The following STIP1 variants were observed in gnomAD, a reference collection of about 807,000 sequenced individuals.
STIP1 encodes the protein stress induced phosphoprotein 1.
STIP1 carries 16 observed loss-of-function variants against 77.4 expected under a neutral mutation model. The ratio of observed to expected loss-of-function variants is 0.21; its 90% confidence interval spans 0.14 to 0.31. The LOEUF is 0.31. Ranked by LOEUF, STIP1 falls within the 10% of genes least tolerant of loss-of-function variation. STIP1 has a pLI of 1.00. For missense variants in STIP1, 524 were observed against 684.8 expected (o/e 0.77, Z 2.62); for synonymous variants, 258 against 246.6 (o/e 1.05, Z -0.44).
intron 5 of STIP1, 131 bp from the exon 6 acceptor site, chr11:64,197,140 A>T: frequency 8.5e-7 from 1 of 1,176,314 alleles, no homozygotes; most frequent in South Asian, 1.5e-5. Context: ...TGACTGATGA[A>T]GAGGCCTTCA....
intron 1 of STIP1, among the ~76,000 whole-genome samples, chr11:64,191,608 AAATAAT>A (rs1232457027): frequency 1.1e-4 from 17 of 152,148 alleles, no homozygotes; most frequent in African/African-American, 3.4e-4. Flanking sequence ...CTGTCTCAAA[AAATAAT>A]AATAATAAAT....
chr11:64,186,169 G>T, upstream of STIP1: 1 of 1,550,452 alleles, frequency 6.4e-7, no homozygotes, highest in Non-Finnish European at 8.7e-7. Flanking sequence ...CGGGGTCCCG[G>T]TAGCTTCTAG....
Position 64,203,224 on chromosome 11 carries a change from G to A in STIP1, c.1382G>A (p.Cys461Tyr), listed in dbSNP as rs761770211. ...AAGGCGCTAGACCTGGACTCCAGCT[G>A]TAAGGTGGGGCTGCTTCTGGCCTCC... Reference protein sequence around the residue: ...YQKALDLDSSCKEAADGYQRC... With the variant: ...YQKALDLDSSYKEAADGYQRC... Residue 461 changes from cysteine to tyrosine, a missense_variant, in exon 12 of 14, where the codon TGT becomes TAT. By Grantham distance (194) the Cys-to-Tyr change is radical. Coordinates refer to ENST00000305218, the MANE Select transcript of STIP1 (RefSeq NM_006819.3). 6.2e-7 allele frequency: 1 copy of A among 1,613,896 alleles called. No homozygotes were observed. The highest frequency in any genetic ancestry group is 1.1e-5 in the South Asian group (1 of 91,092).
At chr11:64,195,883 C>T (rs1407014101) in intron 5 of STIP1, 70 bp downstream of exon 5, 3 of 1,590,278 alleles carry the variant, frequency 1.9e-6, no homozygotes, top group Admixed American at 1.7e-5. Flanking sequence ...TGAATGGGGA[C>T]ATCTGTTGAC....
At chr11:64,196,003 T>G in intron 5 of STIP1, 190 bp downstream of exon 5, 1 of 740,846 alleles carries the variant, frequency 1.3e-6, no homozygotes, top group South Asian at 1.9e-5. Context: ...CAGCTAGGAT[T>G]ACAGTCACGA....
intron 10 of STIP1, 90 bp from the exon 11 acceptor site, chr11:64,202,786 C>T (rs1946233846): frequency 7.1e-7 from 1 of 1,414,458 alleles, no homozygotes; most frequent in Non-Finnish European, 1.0e-6. Flanking sequence ...CTGGGTGAGG[C>T]ATTAGAGTTG....
intron 5 of STIP1, 135 bp downstream of exon 5, chr11:64,195,948 C>T: frequency 7.6e-7 from 1 of 1,317,436 alleles, no homozygotes. Flanking sequence ...TGCTGTGTTT[C>T]CCAGGTTGGT....
chr11:64,197,998 A>G (rs563316397), intron 8 of STIP1, 24 bp downstream of exon 8: 3 of 1,556,378 alleles, frequency 1.9e-6, no homozygotes, highest in South Asian at 2.4e-5. Context: ...GAATAGGGGT[A>G]TTTTCTTGTT....
rs375213510 is a variant in STIP1 at position 64,194,838 on chromosome 11, C to T, written c.503+218C>T. On this transcript the variant is annotated intron_variant, in intron 4 of 13. Coordinates refer to ENST00000305218, the MANE Select transcript of STIP1 (RefSeq NM_006819.3). ...TAGAATGTTCTTTGTCATCTGTATACACCTCTCTCCTGCTCTTCTAGAACT... is the reference window on the plus strand; with the variant it reads ...TAGAATGTTCTTTGTCATCTGTATATACCTCTCTCCTGCTCTTCTAGAACT... Among the ~76,000 whole-genome samples the T allele has an allele frequency of 7.6e-4, 116 of 152,088 alleles. No individual in the cohort carries two copies. In the South Asian group the frequency reaches 0.023, roughly 30 times the overall value.
At chr11:64,192,175 G>A (rs553399392) in intron 1 of STIP1, among the ~76,000 whole-genome samples, 15 of 152,124 alleles carry the variant, frequency 9.9e-5, no homozygotes, top group Non-Finnish European at 1.5e-4. Context: ...TTAGCCAAGT[G>A]TGGGGGTGTG....
chr11:64,199,280 G>A (rs182629098), intron 8 of STIP1, among the ~76,000 whole-genome samples: 3 of 151,462 alleles, frequency 2.0e-5, no homozygotes, highest in Middle Eastern at 6.3e-3. Flanking sequence ...CGAGGTGGGC[G>A]GATCAAGAGG....
chr11:64,185,868 C>A (rs776865204), upstream of STIP1: 1 of 1,536,154 alleles, frequency 6.5e-7, no homozygotes, highest in South Asian at 1.2e-5. Flanking sequence ...ATTTCCAGAA[C>A]GATCAGAACC....
chr11:64,199,191 T>C (rs1454131623), intron 8 of STIP1, among the ~76,000 whole-genome samples: 4 of 100,544 alleles, frequency 4.0e-5, no homozygotes, highest in South Asian at 3.1e-4. Context: ...AGAGTGAGAC[T>C]CCATCTCAAA....
rs1368522611 is a variant in STIP1 at position 64,204,046 on chromosome 11, C to T, written c.1560-8C>T. The stretch of plus-strand genomic sequence containing the variant: ...TCTCATTTCAAGTAACTGCGTCTTC[C>T]TCTGTAGACACTTAAAGAATCCTGT... On this transcript the variant is annotated splice_region_variant and splice_polypyrimidine_tract_variant and intron_variant, in intron 13 of 13. Coordinates refer to ENST00000305218, the MANE Select transcript of STIP1 (RefSeq NM_006819.3). 8 of 1,613,946 alleles carry T rather than the reference C, an allele frequency of 5.0e-6. No homozygotes were observed. Among genetic ancestry groups the T allele is most frequent in the Non-Finnish European group, 6.8e-6 (8 of 1,179,968 alleles).
intron 8 of STIP1, 114 bp from the exon 9 acceptor site, chr11:64,199,826 G>A (rs1325124183): frequency 4.1e-6 from 5 of 1,220,842 alleles, no homozygotes; most frequent in South Asian, 2.8e-5. Context: ...GCCTCCCAAA[G>A]TGCTGGGATC....
At chr11:64,197,774 C>T in intron 7 of STIP1, 80 bp from the exon 8 acceptor site, 8 of 1,579,518 alleles carry the variant, frequency 5.1e-6, no homozygotes, top group Non-Finnish European at 6.9e-6. Flanking sequence ...GCGGGCCTTT[C>T]TAGCTGCAGG....
chr11:64,203,907 AGGCCTCTGCAGCTCGGCGCCCCG>A, intron 13 of STIP1, 124 bp from the exon 14 acceptor site: 1 of 951,540 alleles, frequency 1.1e-6, no homozygotes, highest in Non-Finnish European at 1.6e-6. Context: ...GAAGTGGAGC[AGGCCTCTGCAGCTCGGCGCCCCG>A]GGCCTCGCCA....
intron 11 of STIP1, 61 bp downstream of exon 11, chr11:64,202,973 C>A: frequency 1.9e-6 from 3 of 1,611,932 alleles, no homozygotes; most frequent in Non-Finnish European, 2.5e-6. Context: ...AAGGAAAGGG[C>A]AAGCCCTTTG....
chr11:64,198,239 G>A (rs568871737), intron 8 of STIP1, among the ~76,000 whole-genome samples: 2 of 151,712 alleles, frequency 1.3e-5, no homozygotes, highest in African/African-American at 2.4e-5. Flanking sequence ...TTTTGAGATG[G>A]AGTCTGTTTG....
Sources: allele counts gnomAD v4.1 joint callset (sites outside exome capture counted in the v4.1 genomes callset), GRCh38; gene constraint gnomAD v4.1.1; transcripts MANE v1.5; gene names NCBI Gene and HGNC (gene_info 2026-07-23, HGNC 2026-07-21).